Variants in MMP26 observed in about 807,000 individuals in gnomAD.
The protein encoded by MMP26 is matrix metallopeptidase 26.
MMP26 carries 33 observed loss-of-function variants against 31.0 expected under a neutral mutation model. The observed-to-expected ratio is 1.06, with a 90% CI of 0.81 to 1.42. MMP26 has a LOEUF of 1.42. MMP26 is among the 40% of genes most tolerant of loss of function. The pLI is 0.00. For synonymous variants in MMP26, 122 were observed against 114.9 expected, an observed-to-expected ratio of 1.06 and a Z score of -0.40; for missense variants, 347 against 316.1, an observed-to-expected ratio of 1.10 and a Z score of -0.74.
intron 2 of MMP26, among the ~76,000 whole-genome samples, chr11:4,923,118 A>G (rs1490653328): frequency 1.3e-5 from 2 of 152,190 alleles, no homozygotes; most frequent in African/African-American, 2.4e-5. Flanking sequence ...GTGTTAGAAA[A>G]CTACCTAAAT....
In MMP26 at chr11:4,949,635, T is replaced by G. The variant is rs1589948470; in HGVS notation, c.-144-38433T>G. ...AGTTGAAAAATCAAAAAATGTAACTTCTATTTCAAGAAGATAGTGAAGGAA... is the reference window on the plus strand; with the variant it reads ...AGTTGAAAAATCAAAAAATGTAACTGCTATTTCAAGAAGATAGTGAAGGAA... On this transcript the variant is annotated intron_variant, in intron 2 of 7. Transcript: ENST00000380390. 4.1e-5 allele frequency among the ~76,000 whole-genome samples: 5 copies of G among 120,730 alleles called. 2 individuals carry two copies. The Admixed American group carries it at 4.7e-4, about 11-fold the overall frequency. The allele number at this position is 120,730 out of a possible 152,430, so 79.2% of individuals were successfully genotyped here.
chr11:4,931,881 C>CTT (rs968382919), intron 2 of MMP26, among the ~76,000 whole-genome samples: 13 of 152,052 alleles, frequency 8.5e-5, no homozygotes, highest in African/African-American at 2.9e-4. Flanking sequence ...ATTTTACTGC[C>CTT]TTTTAAGGAG....
At chr11:4,828,820 A>G (rs1297319835) in intron 2 of MMP26, among the ~76,000 whole-genome samples, 8 of 152,204 alleles carry the variant, frequency 5.3e-5, no homozygotes, top group Non-Finnish European at 7.3e-5. Context: ...CTAGAATTAG[A>G]GTAGGCCTTC....
At chr11:4,886,438 T>C (rs1483668217) in intron 2 of MMP26, among the ~76,000 whole-genome samples, 2 of 152,114 alleles carry the variant, frequency 1.3e-5, no homozygotes, top group Non-Finnish European at 2.9e-5. Context: ...TAAATACTGT[T>C]AATTCCGGTA....
chr11:4,725,708 C>A (rs1174607527), intron 1 of MMP26, among the ~76,000 whole-genome samples: 1 of 152,178 alleles, frequency 6.6e-6, no homozygotes, highest in East Asian at 1.9e-4. Context: ...TATAATGGCT[C>A]CCTTCAGAGA....
intron 2 of MMP26, among the ~76,000 whole-genome samples, chr11:4,783,631 G>A (rs987552064): frequency 1.3e-5 from 2 of 152,100 alleles, no homozygotes; most frequent in Admixed American, 6.5e-5. Context: ...AGGGGCCAGG[G>A]GTGGAATGAT....
chr11:4,770,660 T>C (rs903879582), intron 2 of MMP26, among the ~76,000 whole-genome samples: 2 of 152,002 alleles, frequency 1.3e-5, no homozygotes, highest in Non-Finnish European at 2.9e-5. Flanking sequence ...CTGGCCAACA[T>C]GGTGAAACCC....
At chr11:4,910,349 A>G (rs1330169155) in intron 2 of MMP26, among the ~76,000 whole-genome samples, 2 of 152,040 alleles carry the variant, frequency 1.3e-5, no homozygotes, top group East Asian at 3.8e-4. Flanking sequence ...ATAATCTTGG[A>G]TATTCTGCCT....
intron 2 of MMP26, among the ~76,000 whole-genome samples, chr11:4,824,588 C>T (rs1292571407): frequency 1.3e-5 from 2 of 152,100 alleles, no homozygotes; most frequent in African/African-American, 4.8e-5. Flanking sequence ...TCTGTGAAGA[C>T]ATTTCTCTTC....
intron 2 of MMP26, among the ~76,000 whole-genome samples, chr11:4,811,679 G>A (rs1438205739): frequency 6.6e-6 from 1 of 151,806 alleles, no homozygotes; most frequent in Admixed American, 6.6e-5. Context: ...TTTTTTAGGG[G>A]CACTTTTCTC....
At chr11:4,801,294 C>T (rs1482382470) in intron 2 of MMP26, among the ~76,000 whole-genome samples, 3 of 152,186 alleles carry the variant, frequency 2.0e-5, no homozygotes, top group East Asian at 1.9e-4. Flanking sequence ...TCCATTGCAT[C>T]ACGATAAAAA....
intron 1 of MMP26, among the ~76,000 whole-genome samples, chr11:4,720,791 G>A (rs931454440): frequency 2.6e-5 from 4 of 152,202 alleles, no homozygotes; most frequent in African/African-American, 9.7e-5. Flanking sequence ...CAGGAAAGGG[G>A]ACTTCCCCGC....
chr11:4,858,677 C>G (rs1396333090), intron 2 of MMP26, among the ~76,000 whole-genome samples: 1 of 152,116 alleles, frequency 6.6e-6, no homozygotes, highest in African/African-American at 2.4e-5. Context: ...AATGCCATCC[C>G]CATCAAGCTA....
chr11:4,710,524 G>C lies in MMP26; in HGVS notation c.-217+5479G>C, dbSNP rs1474994261. The C allele has an allele frequency of 9.8e-6, 4 of 408,086 alleles. No homozygotes were observed. In the East Asian group the frequency reaches 2.9e-4, roughly 29 times the overall value. The allele number at this position is 408,086 out of a possible 1,614,324, so 25.3% of individuals were successfully genotyped here. A position where few individuals can be genotyped will look rare whatever the true frequency, so the allele number is the denominator to read the frequency against. ...TCTAAGCTAATTTAGGGAAGTTTGA[G>C]TGTACTCCTTCTTTACCAAGTCTTC... On this transcript the variant is annotated intron_variant, in intron 1 of 7. Coordinates refer to ENST00000380390, the MANE Select transcript of MMP26 (RefSeq NM_021801.5).
intron 2 of MMP26, chr11:4,923,982 T>G: frequency 6.2e-7 from 1 of 1,614,044 alleles, no homozygotes; most frequent in African/African-American, 1.3e-5. Context: ...TCAATGGACA[T>G]GGATAACAGA....
At chr11:4,739,534 C>T (rs1848285013) in intron 1 of MMP26, among the ~76,000 whole-genome samples, 1 of 152,174 alleles carries the variant, frequency 6.6e-6, no homozygotes, top group Admixed American at 6.5e-5. Context: ...TAGAATCCCA[C>T]TGGTCATTCA....
chr11:4,783,225 G>T (rs1025421845), intron 2 of MMP26, among the ~76,000 whole-genome samples: 4 of 152,234 alleles, frequency 2.6e-5, no homozygotes, highest in Non-Finnish European at 5.9e-5. Flanking sequence ...ACCTTGTAAG[G>T]CCACAGGGGC....
intron 2 of MMP26, among the ~76,000 whole-genome samples, chr11:4,922,392 A>G (rs1564807651): frequency 6.8e-6 from 1 of 147,822 alleles, no homozygotes; most frequent in Non-Finnish European, 1.5e-5. Context: ...ACATGAATAT[A>G]TAAAGAGTTA....
intron 2 of MMP26, among the ~76,000 whole-genome samples, chr11:4,807,917 A>G (rs1194760143): frequency 6.6e-6 from 1 of 151,986 alleles, no homozygotes; most frequent in Non-Finnish European, 1.5e-5. Flanking sequence ...TGATCCTCCC[A>G]CCTCAGCCTT....
Sources: allele counts gnomAD v4.1 joint callset (sites outside exome capture counted in the v4.1 genomes callset), GRCh38; gene constraint gnomAD v4.1.1; transcripts MANE v1.5; gene names NCBI Gene and HGNC (gene_info 2026-07-23, HGNC 2026-07-21).